Variants in KLHL13 observed in about 807,000 individuals in gnomAD.
KLHL13 encodes kelch-like protein 13.
KLHL13 carries 10 observed loss-of-function variants against 37.1 expected under a neutral mutation model. That is an observed-to-expected ratio of 0.27 (90% CI 0.17 to 0.46). The LOEUF is 0.46. Ranked by LOEUF, KLHL13 falls within the 20% of genes least tolerant of loss-of-function variation. The pLI, the probability that KLHL13 is intolerant of heterozygous loss-of-function variation, is 1.00. For missense variants in KLHL13, 360 were observed against 509.3 expected, an observed-to-expected ratio of 0.71 and a Z score of 2.82; for synonymous variants, 163 against 181.2, an observed-to-expected ratio of 0.90 and a Z score of 0.81.
intron 2 of KLHL13, among the ~76,000 whole-genome samples, chrX:117,921,382 T>C (rs1931687985): frequency 8.9e-6 from 1 of 112,024 alleles, no homozygotes; most frequent in African/African-American, 3.2e-5. Context: ...ATAATGTTTA[T>C]TTGTCGATTA....
chrX:118,012,294 C>A (rs190138994), intron 1 of KLHL13, among the ~76,000 whole-genome samples: 1 of 111,738 alleles, frequency 8.9e-6, no homozygotes, highest in Non-Finnish European at 1.9e-5. Flanking sequence ...TTTAAACAAC[C>A]CTAGTTGATG....
At chrX:118,100,974 G>A (rs2055281701) in intron 1 of KLHL13, among the ~76,000 whole-genome samples, 1 of 110,774 alleles carries the variant, frequency 9.0e-6, no homozygotes, top group Non-Finnish European at 1.9e-5. Context: ...TCTGTTTAAC[G>A]ATATTGCAAG....
At chrX:117,910,237 G>A (rs1404346353) in intron 4 of KLHL13, 141 bp from the exon 6 acceptor site, 1 of 459,878 alleles carries the variant, frequency 2.2e-6, no homozygotes, top group Admixed American at 4.7e-5. Flanking sequence ...TTATCTAAAT[G>A]TATCAATGAT....
At chrX:118,069,611 A>T (rs1452601002) in intron 1 of KLHL13, among the ~76,000 whole-genome samples, 1 of 110,708 alleles carries the variant, frequency 9.0e-6, no homozygotes, top group Non-Finnish European at 1.9e-5. Flanking sequence ...TAAAGAAATT[A>T]TATGTATATA....
At chrX:117,907,591 A>C (rs950441887) in intron 5 of KLHL13, among the ~76,000 whole-genome samples, 1 of 111,827 alleles carries the variant, frequency 8.9e-6, no homozygotes, top group East Asian at 2.8e-4. Flanking sequence ...CAAATTTAAA[A>C]TAGTATAATA....
intron 1 of KLHL13, among the ~76,000 whole-genome samples, chrX:118,001,896 T>C (rs1011849448): frequency 1.6e-4 from 16 of 102,983 alleles, no homozygotes; most frequent in Non-Finnish European, 2.4e-4. Flanking sequence ...AAGCCTCCAG[T>C]AAATCATCGT....
intron 1 of KLHL13, among the ~76,000 whole-genome samples, chrX:118,093,906 G>A (rs1283708400): frequency 9.2e-6 from 1 of 108,475 alleles, no homozygotes; most frequent in Non-Finnish European, 1.9e-5. Flanking sequence ...AGACAAGATG[G>A]CCGAATAGGA....
At chrX:118,075,137 C>G (rs760375309) in intron 1 of KLHL13, among the ~76,000 whole-genome samples, 2 of 111,353 alleles carry the variant, frequency 1.8e-5, no homozygotes, top group South Asian at 7.6e-4. Context: ...TATGGGTTAA[C>G]TAGGCAAAGT....
intron 2 of KLHL13, among the ~76,000 whole-genome samples, chrX:117,937,511 A>AT (rs1395883415): frequency 9.0e-6 from 1 of 111,565 alleles, no homozygotes; most frequent in Non-Finnish European, 1.9e-5. Context: ...GCTGTTATAT[A>AT]TTTTTTTATT....
In KLHL13 at chrX:117,906,237, T is replaced by C. The variant is rs6645984; in HGVS notation, c.1366+3064A>G. On this transcript the variant is annotated intron_variant, in intron 5 of 6. Coordinates refer to ENST00000262820, the Ensembl canonical transcript of KLHL13. ...AAAACCTCAGTTTCTGGCAGGAACA[T>C]TCAGAAATATAGGCAAGAGTTTCTT... Among the ~76,000 whole-genome samples, 648 of 111,836 alleles carry C rather than the reference T, an allele frequency of 5.8e-3. 5 individuals carry two copies. The highest frequency in any genetic ancestry group is 0.018 in the African/African-American group (558 of 30,818).
At chrX:117,963,007 T>C (rs1310851695) in intron 1 of KLHL13, among the ~76,000 whole-genome samples, 1 of 112,294 alleles carries the variant, frequency 8.9e-6, no homozygotes, top group African/African-American at 3.2e-5. Context: ...AACTAGGACA[T>C]TTTAAAAATT....
exon 1 of KLHL13, chrX:118,116,732 C>G (rs1219385165): frequency 9.1e-6 from 1 of 110,433 alleles, no homozygotes; most frequent in Non-Finnish European, 1.9e-5. Context: ...CAAAAGTCCC[C>G]GTTCCAGGCT....
intron 1 of KLHL13, among the ~76,000 whole-genome samples, chrX:118,110,266 C>T (rs184462815): frequency 4.5e-5 from 5 of 110,618 alleles, no homozygotes; most frequent in African/African-American, 9.8e-5. Context: ...AGAATTGTAA[C>T]GCACACTCAT....
At chrX:117,913,132 A>G (rs1356736178) in intron 4 of KLHL13, among the ~76,000 whole-genome samples, 1 of 111,786 alleles carries the variant, frequency 8.9e-6, no homozygotes, top group Non-Finnish European at 1.9e-5. Flanking sequence ...AACTGATGGA[A>G]TTATAGTAAA....
intron 1 of KLHL13, among the ~76,000 whole-genome samples, chrX:118,054,428 T>C (rs1411397319): frequency 9.0e-6 from 1 of 111,372 alleles, no homozygotes; most frequent in Non-Finnish European, 1.9e-5. Context: ...TCTTCTAGTA[T>C]AGTAAAAGAA....
At chrX:117,974,478 G>T (rs905409535), upstream of KLHL13, among the ~76,000 whole-genome samples, 1 of 112,063 alleles carries the variant, frequency 8.9e-6, no homozygotes, top group East Asian at 2.8e-4. Context: ...AGTTTTTAAA[G>T]ATTGAGATTT....
intron 1 of KLHL13, among the ~76,000 whole-genome samples, chrX:118,027,090 A>C (rs931215585): frequency 9.0e-6 from 1 of 111,605 alleles, no homozygotes; most frequent in Non-Finnish European, 1.9e-5. Context: ...GATGATCAAG[A>C]CGTTTTGCTT....
Position 118,053,180 on chromosome X carries a change from C to T in KLHL13, c.-56+63328G>A, listed in dbSNP as rs1184304111. 4.5e-5 allele frequency among the ~76,000 whole-genome samples: 5 copies of T among 112,037 alleles called. No homozygotes were observed. In the East Asian group the frequency reaches 1.1e-3, roughly 25 times the overall value. ...ATTATAAAACATGCTGCTATAAAGACGCATGCACACGTATATTTATTGCAG... is the reference window on the plus strand; with the variant it reads ...ATTATAAAACATGCTGCTATAAAGATGCATGCACACGTATATTTATTGCAG... On this transcript the variant is annotated intron_variant, in intron 1 of 6. Transcript: ENST00000371882.
intron 2 of KLHL13, among the ~76,000 whole-genome samples, chrX:117,940,335 G>A (rs1017865378): frequency 1.8e-4 from 20 of 111,567 alleles, no homozygotes; most frequent in African/African-American, 6.5e-4. Flanking sequence ...TGCTGTTTTG[G>A]TTACTGTAGC....
Sources: gnomAD v4.1 joint callset for allele counts (sites outside exome capture counted in the v4.1 genomes callset) on GRCh38, gnomAD v4.1.1 for gene constraint, MANE v1.5 for transcripts, NCBI Gene and HGNC (gene_info 2026-07-23, HGNC 2026-07-21) for gene names.